Variants in NRG3 observed in about 807,000 individuals in gnomAD.
The protein encoded by NRG3 is pro-neuregulin-3, membrane-bound isoform.
In NRG3, 31 loss-of-function variants were observed where a neutral mutation model predicts 66.9. The ratio of observed to expected loss-of-function variants is 0.46; its 90% CI spans 0.35 to 0.63. The LOEUF (loss-of-function observed/expected upper bound fraction) is 0.63, where lower values mean the gene tolerates loss of function less well. Ranked by LOEUF, NRG3 falls within the 20% of genes least tolerant of loss-of-function variation. The pLI is 0.00. For missense variants in NRG3, 910 were observed against 878.9 expected, an observed-to-expected ratio of 1.04 and a Z score of -0.45; for synonymous variants, 393 against 359.4, an observed-to-expected ratio of 1.09 and a Z score of -1.06.
intron 4 of NRG3, among the ~76,000 whole-genome samples, chr10:82,867,676 TAA>T (rs1341433953): frequency 1.3e-5 from 2 of 151,952 alleles, no homozygotes; most frequent in Admixed American, 1.3e-4. Context: ...AGAACAAAAA[TAA>T]AGAGTCAAAG....
intron 2 of NRG3, among the ~76,000 whole-genome samples, chr10:82,362,913 A>G (rs2084281423): frequency 6.6e-6 from 1 of 152,212 alleles, no homozygotes; most frequent in Admixed American, 6.5e-5. Flanking sequence ...TTAATGTAAT[A>G]AACAAATAAA....
rs940976882 is a variant in NRG3 at position 82,041,140 on chromosome 10, A to T, written c.823+164977A>T. 2.0e-5 allele frequency among the ~76,000 whole-genome samples: 3 copies of T among 152,256 alleles called. No individual in the cohort carries two copies. In the South Asian group the frequency reaches 6.2e-4, roughly 32 times the overall value. On this transcript the variant is annotated intron_variant, in intron 1 of 8. Transcript: ENST00000372141. ...AAATACCATGACTACAGGCCTTACA[A>T]ATAGTCTCCTTCCTAAGTTCTGTGG...
intron 1 of NRG3, among the ~76,000 whole-genome samples, chr10:82,042,345 T>G (rs1339966495): frequency 6.6e-6 from 1 of 152,086 alleles, no homozygotes; most frequent in Non-Finnish European, 1.5e-5. Context: ...CTTTATTTTT[T>G]GCAAATACCT....
intron 2 of NRG3, among the ~76,000 whole-genome samples, chr10:82,439,081 T>G (rs966862687): frequency 5.9e-5 from 9 of 152,172 alleles, no homozygotes; most frequent in Admixed American, 1.3e-4. Context: ...GGCTTATTTG[T>G]CCAATTCTAG....
chr10:82,640,042 T>G (rs1051095025), intron 2 of NRG3, among the ~76,000 whole-genome samples: 2 of 152,196 alleles, frequency 1.3e-5, no homozygotes, highest in Non-Finnish European at 2.9e-5. Context: ...TGTTCCCGTG[T>G]TAGTTTGCTA....
chr10:82,569,104 A>G (rs890719013), intron 2 of NRG3, among the ~76,000 whole-genome samples: 5 of 151,706 alleles, frequency 3.3e-5, no homozygotes, highest in African/African-American at 1.2e-4. Flanking sequence ...AGTCATTTTT[A>G]TATATGATGA....
chr10:82,399,959 C>G (rs2086969536), intron 2 of NRG3, among the ~76,000 whole-genome samples: 1 of 152,114 alleles, frequency 6.6e-6, no homozygotes, highest in Non-Finnish European at 1.5e-5. Context: ...TACTTCTATG[C>G]CATTCAACAA....
At chr10:82,473,282 A>T (rs1428992574) in intron 2 of NRG3, among the ~76,000 whole-genome samples, 1 of 152,224 alleles carries the variant, frequency 6.6e-6, no homozygotes, top group Non-Finnish European at 1.5e-5. Context: ...TTTGCCCTTT[A>T]GAAATTTAGA....
At chr10:82,200,699 A>G (rs991362763) in intron 1 of NRG3, among the ~76,000 whole-genome samples, 6 of 152,176 alleles carry the variant, frequency 3.9e-5, no homozygotes, top group Non-Finnish European at 1.5e-5. Context: ...TTCAGAAAAG[A>G]ATCAGGCCTG....
intron 1 of NRG3, among the ~76,000 whole-genome samples, chr10:82,069,911 C>T (rs755994770): frequency 6.6e-6 from 1 of 152,136 alleles, no homozygotes; most frequent in Non-Finnish European, 1.5e-5. Flanking sequence ...TGACAGGATT[C>T]GCCTCTCTTA....
At chr10:82,601,194 T>C (rs1337448023) in intron 2 of NRG3, among the ~76,000 whole-genome samples, 2 of 152,184 alleles carry the variant, frequency 1.3e-5, no homozygotes, top group East Asian at 1.9e-4. Flanking sequence ...CAACCCACCA[T>C]TGATGGGCAC....
intron 1 of NRG3, among the ~76,000 whole-genome samples, chr10:82,247,570 A>G (rs1022690925): frequency 2.0e-5 from 3 of 152,182 alleles, no homozygotes; most frequent in Admixed American, 1.3e-4. Flanking sequence ...AGTCCATTAC[A>G]GGGTCCAAGT....
intron 1 of NRG3, among the ~76,000 whole-genome samples, chr10:81,980,089 C>T (rs997957300): frequency 2.0e-4 from 30 of 152,294 alleles, no homozygotes; most frequent in Admixed American, 1.6e-3. Context: ...AGGATGTGAT[C>T]TCATTCACTT....
At chr10:82,898,158 G>A (rs966677798) in intron 4 of NRG3, among the ~76,000 whole-genome samples, 2 of 152,152 alleles carry the variant, frequency 1.3e-5, no homozygotes, top group Admixed American at 1.3e-4. Context: ...ACAGCCTCTT[G>A]CTCCACATTG....
chr10:81,971,196 C>T (rs376897532), intron 1 of NRG3, among the ~76,000 whole-genome samples: 17 of 152,116 alleles, frequency 1.1e-4, no homozygotes, highest in African/African-American at 2.2e-4. Flanking sequence ...TGAAGAGCCC[C>T]GAGGCTTAAG....
intron 1 of NRG3, among the ~76,000 whole-genome samples, chr10:82,325,198 T>TC: frequency 6.6e-6 from 1 of 152,166 alleles, no homozygotes; most frequent in East Asian, 1.9e-4. Context: ...CTTTTTTTTT[T>TC]GGAGACAGGT....
intron 6 of NRG3, among the ~76,000 whole-genome samples, chr10:82,962,970 T>C: frequency 6.6e-6 from 1 of 152,210 alleles, no homozygotes; most frequent in East Asian, 1.9e-4. Context: ...CTTCTCTGTG[T>C]TGGGTACTGC....
At chr10:82,488,738 C>G (rs1842876807) in intron 2 of NRG3, among the ~76,000 whole-genome samples, 1 of 152,110 alleles carries the variant, frequency 6.6e-6, no homozygotes, top group Non-Finnish European at 1.5e-5. Flanking sequence ...ATGGCATGAC[C>G]AGTTGGGTCT....
chr10:82,676,649 A>C (rs987138992), intron 2 of NRG3, among the ~76,000 whole-genome samples: 2 of 151,836 alleles, frequency 1.3e-5, no homozygotes, highest in African/African-American at 4.8e-5. Flanking sequence ...ACTCCTGGCT[A>C]ATTTTTGTAT....
Sources: gnomAD v4.1 joint callset for allele counts (sites outside exome capture counted in the v4.1 genomes callset) on GRCh38, gnomAD v4.1.1 for gene constraint, MANE v1.5 for transcripts, NCBI Gene and HGNC (gene_info 2026-07-23, HGNC 2026-07-21) for gene names.